The following SESN1 variants were observed in gnomAD, a reference collection of about 807,000 sequenced individuals.
SESN1 encodes the protein sestrin 1.
Under a neutral mutation model 59.3 loss-of-function variants are expected in SESN1, and 30 were observed. The ratio of observed to expected loss-of-function variants is 0.51; its 90% CI spans 0.38 to 0.69. The LOEUF (loss-of-function observed/expected upper bound fraction) is 0.69. SESN1 is among the 30% of genes least tolerant of loss of function. The probability of loss-of-function intolerance (pLI) is 0.00; values close to 1 mark genes in which losing one functional copy is unlikely to be tolerated. For missense variants in SESN1, 566 were observed against 673.0 expected, an observed-to-expected ratio of 0.84 and a Z score of 1.76; for synonymous variants, 197 against 219.9, an observed-to-expected ratio of 0.90 and a Z score of 0.92.
chr6:109,089,292 G>A lies in SESN1; in HGVS notation c.279+4503C>T, dbSNP rs141393628. ...ATTAATATTTGCTTTCTCATGTGAG[G>A]CTGATGCTAAAATGGTAGGCAGTGA... is the stretch of plus-strand genomic sequence containing the variant. On this transcript the variant is annotated intron_variant, in intron 1 of 9. Coordinates refer to ENST00000436639, the MANE Select transcript of SESN1 (RefSeq NM_014454.3). Among the ~76,000 whole-genome samples the A allele has an allele frequency of 1.1e-4, 16 of 152,314 alleles. No individual in the cohort carries two copies. In the East Asian group the frequency reaches 2.5e-3, roughly 24 times the overall value.
At chr6:108,989,130 G>A (rs1413647169) in intron 8 of SESN1, among the ~76,000 whole-genome samples, 1 of 152,026 alleles carries the variant, frequency 6.6e-6, no homozygotes. Flanking sequence ...AGCCTCCCGA[G>A]AAGCTAGGAT....
chr6:109,060,389 T>A (rs1355020399), intron 1 of SESN1, among the ~76,000 whole-genome samples: 1 of 152,212 alleles, frequency 6.6e-6, no homozygotes, highest in East Asian at 1.9e-4. Flanking sequence ...CAATTTCTAA[T>A]TGGGAGTGGC....
At chr6:109,011,725 C>T (rs910114338) in intron 1 of SESN1, among the ~76,000 whole-genome samples, 9 of 151,326 alleles carry the variant, frequency 5.9e-5, no homozygotes, top group African/African-American at 2.2e-4. Context: ...ACCTCCAGGG[C>T]TCAAGTGATC....
intron 1 of SESN1, among the ~76,000 whole-genome samples, chr6:109,093,340 G>T (rs1363206113): frequency 6.6e-6 from 1 of 152,028 alleles, no homozygotes; most frequent in African/African-American, 2.4e-5. Flanking sequence ...AAAAAAGAGA[G>T]GTTGCATTTA....
chr6:109,063,261 T>C (rs946696878), intron 1 of SESN1, among the ~76,000 whole-genome samples: 15 of 148,504 alleles, frequency 1.0e-4, no homozygotes, highest in African/African-American at 2.8e-4. Flanking sequence ...GGCTCAGGTA[T>C]AACTGTTTGA....
intron 1 of SESN1, among the ~76,000 whole-genome samples, chr6:109,089,867 C>T (rs1406894922): frequency 6.6e-6 from 1 of 152,192 alleles, no homozygotes; most frequent in Non-Finnish European, 1.5e-5. Flanking sequence ...TTGTCATAGG[C>T]TAGTAGGACA....
At chr6:109,037,024 GC>G (rs1377483947) in intron 1 of SESN1, among the ~76,000 whole-genome samples, 1 of 152,050 alleles carries the variant, frequency 6.6e-6, no homozygotes, top group African/African-American at 2.4e-5. Flanking sequence ...TTTCTACAGG[GC>G]CCCCGCCCAT....
chr6:109,053,747 T>C (rs1031990478), intron 1 of SESN1, among the ~76,000 whole-genome samples: 2 of 152,208 alleles, frequency 1.3e-5, no homozygotes, highest in Non-Finnish European at 1.5e-5. Flanking sequence ...TTCATAAAGG[T>C]TGGATCTCAT....
Position 109,094,255 on chromosome 6 carries a change from C to G in SESN1, c.-182G>C. On this transcript the variant is annotated 5_prime_UTR_variant, in exon 1 of 10. Transcript: ENST00000436639. Reference sequence around the variant, plus strand: ...TCAGCCGATCTACAAGCTAGGTCACCCTCTCACCCTCTCCTTGTACACGAA... The same window carrying G: ...TCAGCCGATCTACAAGCTAGGTCACGCTCTCACCCTCTCCTTGTACACGAA... The G allele has an allele frequency of 1.6e-6, 1 of 622,814 alleles. No homozygotes were observed. The allele number at this position is 622,814 out of a possible 1,614,324, so 38.6% of individuals were successfully genotyped here.
At chr6:109,024,938 C>A (rs745466253) in intron 1 of SESN1, among the ~76,000 whole-genome samples, 1 of 152,172 alleles carries the variant, frequency 6.6e-6, no homozygotes, top group African/African-American at 2.4e-5. Flanking sequence ...AATGGCCGAA[C>A]TGGCAAAGTA....
rs78835199 is a variant in SESN1 at position 109,091,172 on chromosome 6, C to G, written c.279+2623G>C. Among the ~76,000 whole-genome samples the G allele has an allele frequency of 7.8e-3, 1,193 of 152,326 alleles. 21 individuals carry two copies. Among genetic ancestry groups the G allele is most frequent in the African/African-American group, 0.027 (1,143 of 41,564 alleles). On this transcript the variant is annotated intron_variant, in intron 1 of 9. Coordinates refer to ENST00000436639, the MANE Select transcript of SESN1 (RefSeq NM_014454.3). Reference sequence around the variant, plus strand: ...GGTCAATTGTAATTCTATATTATTACTCTACCTTTTCTATGTTTAGATACA... The same window carrying G: ...GGTCAATTGTAATTCTATATTATTAGTCTACCTTTTCTATGTTTAGATACA...
rs1262072303 is a variant in SESN1 at position 108,987,477 on chromosome 6, A to G, written c.*67T>C. On this transcript the variant is annotated 3_prime_UTR_variant, in exon 10 of 10. Coordinates refer to ENST00000436639, the MANE Select transcript of SESN1 (RefSeq NM_014454.3). ...TTGTCTACCATTGGTCCTGGGGCTTAGTACCTTCCCCCTTGTAGACTATAT... is the reference window on the plus strand; with the variant it reads ...TTGTCTACCATTGGTCCTGGGGCTTGGTACCTTCCCCCTTGTAGACTATAT... 3 of 835,490 alleles carry G rather than the reference A, an allele frequency of 3.6e-6. No homozygotes were observed. Among genetic ancestry groups the G allele is most frequent in the Admixed American group, 4.1e-5 (2 of 48,432 alleles). The allele number at this position is 835,490 out of a possible 1,614,324, so 51.8% of individuals were successfully genotyped here. A position where few individuals can be genotyped will look rare whatever the true frequency, so the allele number is the denominator to read the frequency against.
intron 1 of SESN1, among the ~76,000 whole-genome samples, chr6:109,040,998 T>C (rs1265305428): frequency 6.6e-6 from 1 of 151,208 alleles, no homozygotes; most frequent in East Asian, 2.0e-4. Context: ...ATTTACAGAG[T>C]GTGCATCATT....
intron 1 of SESN1, among the ~76,000 whole-genome samples, chr6:109,080,228 C>T (rs560811925): frequency 6.6e-6 from 1 of 152,284 alleles, no homozygotes; most frequent in African/African-American, 2.4e-5. Context: ...GTTACTACAA[C>T]ACTTGCACTG....
At chr6:109,053,643 A>C (rs962983508) in intron 1 of SESN1, among the ~76,000 whole-genome samples, 3 of 152,232 alleles carry the variant, frequency 2.0e-5, no homozygotes, top group African/African-American at 7.2e-5. Flanking sequence ...CTCATGGGCC[A>C]CATGAAGGAC....
intron 1 of SESN1, chr6:109,059,454 G>T (rs549223911): frequency 6.6e-6 from 1 of 152,172 alleles, no homozygotes; most frequent in South Asian, 2.1e-4. Context: ...TTCCATAATG[G>T]CTATATATAA....
Position 108,984,327 on chromosome 6 carries a change from A to C in SESN1, c.*3217T>G, listed in dbSNP as rs942666726. ...GACTGGGTAATTTATAGATAACAGAAATTTATTGCTCACAGTTTTGGAGGC... is the reference window on the plus strand; with the variant it reads ...GACTGGGTAATTTATAGATAACAGACATTTATTGCTCACAGTTTTGGAGGC... On this transcript the variant is annotated 3_prime_UTR_variant, in exon 10 of 10. Coordinates refer to ENST00000436639, the MANE Select transcript of SESN1 (RefSeq NM_014454.3). Among the ~76,000 whole-genome samples the C allele has an allele frequency of 3.3e-5, 5 of 152,034 alleles. No individual in the cohort carries two copies. Among genetic ancestry groups the C allele is most frequent in the Admixed American group, 6.5e-5 (1 of 15,270 alleles).
intron 1 of SESN1, among the ~76,000 whole-genome samples, chr6:109,076,446 T>C (rs1277972188): frequency 1.3e-5 from 2 of 152,242 alleles, no homozygotes; most frequent in East Asian, 3.8e-4. Context: ...TTTGGCCATC[T>C]CAGTCTTTAA....
At chr6:109,013,833 A>G (rs1779895612) in intron 1 of SESN1, among the ~76,000 whole-genome samples, 3 of 152,162 alleles carry the variant, frequency 2.0e-5, no homozygotes, top group African/African-American at 7.2e-5. Context: ...GGTTTATAAG[A>G]CTACTTCTGC....
Sources: gnomAD v4.1 joint callset for allele counts (sites outside exome capture counted in the v4.1 genomes callset) on GRCh38, gnomAD v4.1.1 for gene constraint, MANE v1.5 for transcripts, NCBI Gene and HGNC (gene_info 2026-07-23, HGNC 2026-07-21) for gene names.